The following ATP8A2 variants were observed in gnomAD, a reference collection of about 807,000 sequenced individuals.
The protein encoded by ATP8A2 is ATPase phospholipid transporting 8A2.
Under a neutral mutation model 165.6 loss-of-function variants are expected in ATP8A2, and 100 were observed. The ratio of observed to expected loss-of-function variants is 0.60; its 90% CI spans 0.51 to 0.71. ATP8A2 has a LOEUF of 0.71. Among genes scored for constraint, ATP8A2 ranks in the 30% least tolerant of loss-of-function variants. The probability of loss-of-function intolerance (pLI) is 0.00; values close to 1 mark genes in which losing one functional copy is unlikely to be tolerated. For missense variants in ATP8A2, 1,227 were observed against 1,479.5 expected (o/e 0.83, Z 2.80); for synonymous variants, 543 against 548.8 (o/e 0.99, Z 0.15).
At chr13:25,970,204 A>G (rs1227459339) in intron 35 of ATP8A2, among the ~76,000 whole-genome samples, 2 of 152,214 alleles carry the variant, frequency 1.3e-5, no homozygotes, top group Non-Finnish European at 2.9e-5. Context: ...AGTAATTTCT[A>G]AGTAAAATGA....
intron 24 of ATP8A2, among the ~76,000 whole-genome samples, chr13:25,635,945 C>A (rs892591498): frequency 6.6e-6 from 1 of 152,152 alleles, no homozygotes; most frequent in Non-Finnish European, 1.5e-5. Context: ...CAGCGCACCC[C>A]CTCCTGTTCT....
rs142691012 is a variant in ATP8A2 at position 25,953,170 on chromosome 13, T to C, written c.3184-8405T>C. On this transcript the variant is annotated intron_variant, in intron 33 of 36. Coordinates refer to ENST00000381655, the MANE Select transcript of ATP8A2 (RefSeq NM_016529.6). This position sits in a 1 kb window ranked among gnomAD's most constrained non-coding sequence, Gnocchi z 6.7. ...GGATTGGAAAAATTGTCCCCTCCTG[T>C]GTTTCTTTTCGTCTTTTAACTTTAC... is the stretch of plus-strand genomic sequence containing the variant. 9.3e-3 allele frequency among the ~76,000 whole-genome samples: 1,417 copies of C among 152,250 alleles called. 26 individuals carry two copies. Among genetic ancestry groups the C allele is most frequent in the African/African-American group, 0.032 (1,325 of 41,534 alleles).
chr13:25,744,014 G>A (rs1339019807), intron 25 of ATP8A2, among the ~76,000 whole-genome samples: 1 of 152,138 alleles, frequency 6.6e-6, no homozygotes, highest in Non-Finnish European at 1.5e-5. Flanking sequence ...ACTGTCATTT[G>A]GAACAGTATA....
chr13:25,687,528 G>T (rs1297098255), intron 24 of ATP8A2, among the ~76,000 whole-genome samples: 1 of 152,080 alleles, frequency 6.6e-6, no homozygotes, highest in East Asian at 1.9e-4. Flanking sequence ...CACTGCCATC[G>T]AGGGGAGCAG....
At chr13:25,801,621 T>C (rs1950623543) in intron 27 of ATP8A2, among the ~76,000 whole-genome samples, 1 of 152,176 alleles carries the variant, frequency 6.6e-6, no homozygotes, top group African/African-American at 2.4e-5. Flanking sequence ...TATTGAGAGA[T>C]TTGGCAATAT....
chr13:25,451,991 A>G (rs1361927770), intron 1 of ATP8A2, among the ~76,000 whole-genome samples: 1 of 151,842 alleles, frequency 6.6e-6, no homozygotes, highest in Non-Finnish European at 1.5e-5. Context: ...AGTAGCTGGG[A>G]TTACAGGCGC....
intron 4 of ATP8A2, among the ~76,000 whole-genome samples, chr13:25,531,227 T>TTATATATGTTATATATGA (rs2038040246): frequency 2.7e-5 from 3 of 111,738 alleles, no homozygotes; most frequent in Non-Finnish European, 5.5e-5. Context: ...ATGATATATG[T>TTATATATGTTATATATGA]TATATATGAT....
intron 1 of ATP8A2, among the ~76,000 whole-genome samples, chr13:25,437,694 A>G (rs2034818262): frequency 1.3e-5 from 2 of 152,232 alleles, no homozygotes; most frequent in African/African-American, 4.8e-5. Context: ...TTAAAGAGTC[A>G]TGTATCTTTT....
intron 28 of ATP8A2, among the ~76,000 whole-genome samples, chr13:25,835,937 A>G (rs1043268039): frequency 2.0e-5 from 3 of 152,216 alleles, no homozygotes; most frequent in African/African-American, 7.2e-5. Flanking sequence ...GGAATTGGGT[A>G]ACATCTCATT....
chr13:25,440,602 C>T (rs1356722103), intron 1 of ATP8A2, among the ~76,000 whole-genome samples: 1 of 152,182 alleles, frequency 6.6e-6, no homozygotes, highest in Non-Finnish European at 1.5e-5. Flanking sequence ...CTCTCACCCG[C>T]GGCTGGAGAA....
intron 24 of ATP8A2, among the ~76,000 whole-genome samples, chr13:25,622,681 C>T (rs1311286983): frequency 2.0e-5 from 3 of 152,156 alleles, no homozygotes; most frequent in Non-Finnish European, 4.4e-5. Flanking sequence ...AATGCAGGCA[C>T]ACAACACATA....
intron 25 of ATP8A2, among the ~76,000 whole-genome samples, chr13:25,715,465 A>C (rs1364988516): frequency 6.6e-6 from 1 of 152,160 alleles, no homozygotes; most frequent in East Asian, 1.9e-4. Flanking sequence ...TCATCCCCAA[A>C]AAGAAACCCT....
intron 1 of ATP8A2, among the ~76,000 whole-genome samples, chr13:25,409,287 A>G (rs1409979746): frequency 6.6e-6 from 1 of 152,190 alleles, no homozygotes; most frequent in Admixed American, 6.5e-5. Flanking sequence ...TCAGGGAGAA[A>G]GGGAATAATT....
chr13:25,827,407 C>T (rs972775794), intron 27 of ATP8A2, among the ~76,000 whole-genome samples: 4 of 152,166 alleles, frequency 2.6e-5, no homozygotes, highest in Admixed American at 2.0e-4. Context: ...CCACCACGCC[C>T]GGTCTCTGAC....
At chr13:26,016,361 A>G (rs1240032813) in intron 36 of ATP8A2, among the ~76,000 whole-genome samples, 1 of 152,162 alleles carries the variant, frequency 6.6e-6, no homozygotes, top group African/African-American at 2.4e-5. Flanking sequence ...CTTCAAAGGG[A>G]AACCTCGAAA....
rs553645955 is a variant in ATP8A2, at chr13:25,993,342, G to C, written c.3378-19189G>C. On this transcript the variant is annotated intron_variant, in intron 35 of 36. Transcript: ENST00000381655. ...GCATTCCCTTTGAAAACTGGCACAA[G>C]ACAGGGTTGCCCTCTCTCACCACTC... Among the ~76,000 whole-genome samples the C allele has an allele frequency of 3.9e-5, 6 of 152,306 alleles. No homozygotes were observed. In the East Asian group the frequency reaches 1.2e-3, roughly 29 times the overall value.
At chr13:25,623,320 C>T (rs2041019854) in intron 24 of ATP8A2, among the ~76,000 whole-genome samples, 1 of 152,064 alleles carries the variant, frequency 6.6e-6, no homozygotes, top group African/African-American at 2.4e-5. Context: ...CACTTGAGCC[C>T]AGGAGTTTGA....
chr13:25,606,380 T>C (rs927331895), intron 24 of ATP8A2, among the ~76,000 whole-genome samples: 1 of 152,230 alleles, frequency 6.6e-6, no homozygotes, highest in African/African-American at 2.4e-5. Flanking sequence ...TAAGAACATG[T>C]TGAAGAAGAA....
chr13:25,523,192 A>T, intron 2 of ATP8A2, among the ~76,000 whole-genome samples: 1 of 148,348 alleles, frequency 6.7e-6, no homozygotes, highest in South Asian at 2.1e-4. Context: ...GCCTGGTTTT[A>T]TTATCAGGGT....
Sources: gnomAD v4.1 joint callset for allele counts (sites outside exome capture counted in the v4.1 genomes callset) on GRCh38, gnomAD v4.1.1 for gene constraint, Gnocchi (gnomAD v3.1) non-coding constraint, MANE v1.5 for transcripts, NCBI Gene and HGNC (gene_info 2026-07-23, HGNC 2026-07-21) for gene names.